TASP1: variants seen among roughly 807,000 people sequenced by gnomAD.
The protein encoded by TASP1 is taspase 1, also known as threonine aspartase 1.
A neutral mutation model predicts 56.6 loss-of-function variants in TASP1; 16 were observed. That is an observed-to-expected ratio of 0.28 (90% confidence interval 0.19 to 0.43). The LOEUF (loss-of-function observed/expected upper bound fraction) is 0.43, where lower values mean the gene tolerates loss of function less well. TASP1 is among the 20% of genes least tolerant of loss of function. The pLI, the probability that TASP1 is intolerant of heterozygous loss-of-function variation, is 1.00. For synonymous variants in TASP1, 179 were observed against 184.2 expected (o/e 0.97, Z 0.23); for missense variants, 393 against 511.6 (o/e 0.77, Z 2.24).
chr20:13,126,615 C>G, the TASP1 span: 1 of 1,613,848 alleles, frequency 6.2e-7, no homozygotes, highest in South Asian at 1.1e-5. Context: ...TTTACGGGTT[C>G]ACTCGCATAG....
rs117767046 is a variant in TASP1, at chr20:13,417,164, T to C, written c.1170+284A>G. ...CTTCCCAAACCCCAGTTTCCTCTTC[T>C]CTACTTATTCACAATGGGCAAAAAG... is the stretch of plus-strand genomic sequence containing the variant. On this transcript the variant is annotated intron_variant, in intron 13 of 13. Coordinates refer to ENST00000337743, the MANE Select transcript of TASP1 (RefSeq NM_017714.3). Among the ~76,000 whole-genome samples, 2,197 of 152,280 alleles carry C rather than the reference T, an allele frequency of 0.014. 27 individuals are homozygous for C. Among genetic ancestry groups the C allele is most frequent in the Admixed American group, 0.023 (356 of 15,292 alleles).
At chr20:13,150,164 C>T in the TASP1 span, among the ~76,000 whole-genome samples, 2 of 152,160 alleles carry the variant, frequency 1.3e-5, no homozygotes, top group African/African-American at 4.8e-5. Flanking sequence ...ACAATCTCCC[C>T]CTACTCTTTA....
At chr20:13,547,472 T>C (rs2045848860) in intron 8 of TASP1, among the ~76,000 whole-genome samples, 1 of 152,064 alleles carries the variant, frequency 6.6e-6, no homozygotes. Context: ...AGAAATATAT[T>C]TGGTGAGAAA....
the TASP1 span, among the ~76,000 whole-genome samples, chr20:13,283,803 A>G: frequency 6.6e-6 from 1 of 152,252 alleles, no homozygotes; most frequent in Admixed American, 6.5e-5. Context: ...GTTAGGACCC[A>G]GTTGAAATTC....
chr20:13,479,206 T>C (rs6109905), intron 11 of TASP1, among the ~76,000 whole-genome samples: 54,560 of 151,916 alleles, frequency 0.36, 10,630 homozygotes, highest in Non-Finnish European at 0.43. Flanking sequence ...AACTTAATTG[T>C]CATATACAAT....
the TASP1 span, among the ~76,000 whole-genome samples, chr20:13,364,510 C>T: frequency 6.6e-6 from 1 of 152,146 alleles, no homozygotes; most frequent in African/African-American, 2.4e-5. Context: ...GTTCTCCCCA[C>T]ATCTTTTGTC....
rs1233243441 is a variant in TASP1 at position 13,435,052 on chromosome 20, G to C, written c.1088C>G (p.Thr363Arg). The change falls in exon 12 of 14, where the codon ACA becomes AGA. Residue 363 changes from threonine (T) to arginine (R), a missense_variant. Thr to Arg is a moderately conservative substitution (Grantham distance 71). Coordinates refer to ENST00000337743, the MANE Select transcript of TASP1 (RefSeq NM_017714.3). ...GTATATGTCTCACTTACCTAGAAGTGTCTGCTTATTTTGGGAGGAGTCAGG... is the reference window on the plus strand; with the variant it reads ...GTATATGTCTCACTTACCTAGAAGTCTCTGCTTATTTTGGGAGGAGTCAGG... ...AEPDSSQNKQTLLVEFLWSHT... is the reference protein window; with the variant it reads ...AEPDSSQNKQRLLVEFLWSHT... The C allele has an allele frequency of 1.6e-5, 25 of 1,609,280 alleles. No homozygotes were observed. In the East Asian group the frequency reaches 5.6e-4, roughly 36 times the overall value.
chr20:13,561,366 TTTTA>T (rs1258823599), intron 7 of TASP1, among the ~76,000 whole-genome samples: 1 of 152,094 alleles, frequency 6.6e-6, no homozygotes, highest in Non-Finnish European at 1.5e-5. Flanking sequence ...CGTGATTTTA[TTTTA>T]TTTATTTATT....
chr20:13,116,451 A>C, the TASP1 span, among the ~76,000 whole-genome samples: 1 of 152,172 alleles, frequency 6.6e-6, no homozygotes, highest in Non-Finnish European at 1.5e-5. Context: ...AGAACTGATT[A>C]CTGTCAGATT....
chr20:13,434,948 C>T (rs75251001), intron 12 of TASP1, 96 bp downstream of exon 12: 25,975 of 791,206 alleles, frequency 0.033, 695 homozygotes, highest in African/African-American at 0.11. Context: ...CTGACCCTCC[C>T]GCAGTTTAAA....
chr20:13,284,760 CAATAGA>C, the TASP1 span, among the ~76,000 whole-genome samples: 1 of 152,038 alleles, frequency 6.6e-6, no homozygotes, highest in Non-Finnish European at 1.5e-5. Flanking sequence ...CTGTCAGCCT[CAATAGA>C]AATAATTAGC....
chr20:13,267,307 G>A, the TASP1 span, among the ~76,000 whole-genome samples: 1 of 152,296 alleles, frequency 6.6e-6, no homozygotes, highest in Middle Eastern at 3.4e-3. Context: ...GCCTGTGTCT[G>A]GGGGGCAGGG....
chr20:13,129,913 A>G, the TASP1 span, among the ~76,000 whole-genome samples: 1 of 151,892 alleles, frequency 6.6e-6, no homozygotes, highest in East Asian at 1.9e-4. Flanking sequence ...AAAGCTTCTC[A>G]CTTTACTCCT....
At chr20:13,292,265 T>C in the TASP1 span, 3 of 689,650 alleles carry the variant, frequency 4.4e-6, no homozygotes, top group Middle Eastern at 4.9e-4. Context: ...TGAGTAGTAA[T>C]GAATACAAAA....
chr20:13,548,512 G>A (rs2045881430), intron 8 of TASP1, among the ~76,000 whole-genome samples: 1 of 152,128 alleles, frequency 6.6e-6, no homozygotes, highest in African/African-American at 2.4e-5. Context: ...AGCTGCTAAT[G>A]TGTCAGGTCC....
At chr20:13,543,227 C>A (rs1482512797) in intron 8 of TASP1, among the ~76,000 whole-genome samples, 2 of 151,960 alleles carry the variant, frequency 1.3e-5, no homozygotes, top group African/African-American at 2.4e-5. Flanking sequence ...TCCACCCCTA[C>A]CCTCATCCCC....
chr20:13,445,304 A>G (rs2043367584), intron 11 of TASP1, among the ~76,000 whole-genome samples: 1 of 152,058 alleles, frequency 6.6e-6, no homozygotes, highest in South Asian at 2.1e-4. Context: ...GAAATGAGAC[A>G]AGAGATTTCT....
chr20:13,189,717 G>A, the TASP1 span, among the ~76,000 whole-genome samples: 4 of 152,146 alleles, frequency 2.6e-5, no homozygotes, highest in African/African-American at 9.6e-5. Context: ...TTGTAAATTA[G>A]TTCAGCCCCT....
At chr20:13,421,735 C>A (rs1208214677) in intron 12 of TASP1, among the ~76,000 whole-genome samples, 1 of 152,044 alleles carries the variant, frequency 6.6e-6, no homozygotes, top group Non-Finnish European at 1.5e-5. Context: ...GAGAAAAGAG[C>A]AGATTCATAT....
Sources: gnomAD v4.1 joint callset for allele counts (sites outside exome capture counted in the v4.1 genomes callset) on GRCh38, gnomAD v4.1.1 for gene constraint, MANE v1.5 for transcripts, NCBI Gene and HGNC (gene_info 2026-07-23, HGNC 2026-07-21) for gene names.